The following C1orf167 variants were observed in gnomAD, a reference collection of about 807,000 sequenced individuals.
C1orf167 encodes chromosome 1 open reading frame 167.
In C1orf167, 153 loss-of-function variants were observed where a neutral mutation model predicts 176.5. The ratio of observed to expected loss-of-function variants is 0.87; its 90% confidence interval spans 0.76 to 0.99. C1orf167 has a LOEUF of 0.99. Among genes scored for constraint, C1orf167 ranks in the 50% least tolerant of loss-of-function variants. The probability of loss-of-function intolerance (pLI) is 0.00; values close to 1 mark genes in which losing one functional copy is unlikely to be tolerated. For missense variants in C1orf167, 1,490 were observed against 1,817.7 expected (o/e 0.82, Z 3.28); for synonymous variants, 594 against 752.7 (o/e 0.79, Z 3.45).
rs1274833691 is a variant in C1orf167, at chr1:11,768,314, G to T, written c.1542+39G>T. The T allele has an allele frequency of 7.8e-7, 1 of 1,283,912 alleles. No homozygotes were observed. The allele number at this position is 1,283,912 out of a possible 1,614,324, so 79.5% of individuals were successfully genotyped here. A position where few individuals can be genotyped will look rare whatever the true frequency, so the allele number is the denominator to read the frequency against. ...AGGTTGGGCCAGGGGGCCGTGTGAA[G>T]CAGTGGTGTGTCTGGGGAGGAGACT... On this transcript the variant is annotated intron_variant, in intron 5 of 20. Transcript: ENST00000688073. The surrounding 1 kb of genome is among the most constrained non-coding windows in gnomAD (Gnocchi z 4.5).
intron 14 of C1orf167, 114 bp downstream of exon 14, chr1:11,782,447 TG>T: frequency 9.7e-7 from 1 of 1,035,114 alleles, no homozygotes; most frequent in Non-Finnish European, 1.2e-6. Flanking sequence ...GCCTGTGGCC[TG>T]GGAAAAAAGG....
intron 8 of C1orf167, among the ~76,000 whole-genome samples, chr1:11,773,505 T>C (rs12076233): frequency 0.74 from 112,530 of 151,574 alleles, 42,451 homozygotes; most frequent in East Asian, 0.89. Flanking sequence ...GTCAGGAGTT[T>C]GAGACCAGCC....
At chr1:11,783,891 CTT>C (rs912092093) in intron 14 of C1orf167, among the ~76,000 whole-genome samples, 3 of 152,252 alleles carry the variant, frequency 2.0e-5, no homozygotes, top group South Asian at 2.1e-4. Flanking sequence ...GAGTTTCACT[CTT>C]GTCACCCAGG....
rs1016438462 is a variant in C1orf167, at chr1:11,789,582, C to G, written c.*136C>G. 15 of 804,572 alleles carry G rather than the reference C, an allele frequency of 1.9e-5. No homozygotes were observed. Among genetic ancestry groups the G allele is most frequent in the Non-Finnish European group, 2.6e-5 (15 of 575,546 alleles). The allele number at this position is 804,572 out of a possible 1,614,324, so 49.8% of individuals were successfully genotyped here. A position where few individuals can be genotyped will look rare whatever the true frequency, so the allele number is the denominator to read the frequency against. On this transcript the variant is annotated 3_prime_UTR_variant, in exon 21 of 21. Transcript: ENST00000688073. ...AGGACAATAAAACCCACTCCTCAGT[C>G]CTAGCTGCTGCTTTCAGTCTCTCCT...
intron 13 of C1orf167, among the ~76,000 whole-genome samples, chr1:11,780,447 A>AC (rs1467023353): frequency 1.3e-5 from 2 of 151,900 alleles, no homozygotes; most frequent in Non-Finnish European, 2.9e-5. Context: ...TGGTGATGAG[A>AC]CCCCCACAGG....
rs1457831701 is a variant in C1orf167, at chr1:11,787,483, C to G, written c.3663C>G (p.Ala1221=). ...GACGGAGGAAGCCAAGGGGAACGGC[C>G]TGGGCTCAGAGTAAGGAGACCTTGC... ...LGGRRKPRGT[A]WAQRCREHSL... The change falls in exon 17 of 21, where the codon GCC becomes GCG. Residue 1221 remains alanine, a synonymous_variant. Coordinates refer to ENST00000688073, the MANE Select transcript of C1orf167 (RefSeq NM_001010881.2). 5 of 1,302,448 alleles carry G rather than the reference C, an allele frequency of 3.8e-6. No homozygotes were observed. The highest frequency in any genetic ancestry group is 3.7e-5 in the South Asian group (3 of 80,888). The allele number at this position is 1,302,448 out of a possible 1,614,324, so 80.7% of individuals were successfully genotyped here.
intron 14 of C1orf167, among the ~76,000 whole-genome samples, chr1:11,782,843 C>G (rs953101676): frequency 6.7e-6 from 1 of 150,024 alleles, no homozygotes; most frequent in Non-Finnish European, 1.5e-5. Context: ...CACTTGAATC[C>G]GGGAGGCGGA....
Position 11,778,832 on chromosome 1 carries a change from G to C in C1orf167, c.2496+16G>C. ...TCTGGAGAAGGTGAGAGGTAGGAGGGTGGGGAGGGGCTGGGGCAGGTAGGG... is the reference window on the plus strand; with the variant it reads ...TCTGGAGAAGGTGAGAGGTAGGAGGCTGGGGAGGGGCTGGGGCAGGTAGGG... On this transcript the variant is annotated intron_variant, in intron 11 of 20. Coordinates refer to ENST00000688073, the MANE Select transcript of C1orf167 (RefSeq NM_001010881.2). 1 of 1,296,872 alleles carries C rather than the reference G, an allele frequency of 7.7e-7. No individual in the cohort carries two copies. Among genetic ancestry groups the C allele is most frequent in the Non-Finnish European group, 1.0e-6 (1 of 982,890 alleles). 80.3% of individuals were successfully genotyped at this position (1,296,872 alleles called of 1,614,324 possible). A position where few individuals can be genotyped will look rare whatever the true frequency, so the allele number is the denominator to read the frequency against.
chr1:11,774,194 C>T (rs1190362720), intron 8 of C1orf167, among the ~76,000 whole-genome samples: 1 of 152,040 alleles, frequency 6.6e-6, no homozygotes, highest in African/African-American at 2.4e-5. Flanking sequence ...TGTGAGCTAC[C>T]ATGCCTGGCG....
intron 13 of C1orf167, 27 bp from the exon 14 acceptor site, chr1:11,782,162 G>T (rs1643630822): frequency 8.0e-7 from 1 of 1,248,080 alleles, no homozygotes; most frequent in Admixed American, 2.7e-5. Context: ...AGCACCCAGT[G>T]GCTCTTCAGC....
chr1:11,787,181 C>G (rs1205480669), intron 16 of C1orf167: 2 of 213,976 alleles, frequency 9.3e-6, no homozygotes, highest in Non-Finnish European at 2.0e-5. Context: ...GAGAAATAGC[C>G]CCCTCCCAGG....
chr1:11,788,449 A>C lies in C1orf167; in HGVS notation c.4078+71A>C, dbSNP rs1052885355. ...CTCATACTTAACCCAAACCCCTCTC[A>C]AAAGTATGGCCCTTGGACCTACTGA... On this transcript the variant is annotated intron_variant, in intron 19 of 20. Coordinates refer to ENST00000688073, the MANE Select transcript of C1orf167 (RefSeq NM_001010881.2). 6 of 1,229,240 alleles carry C rather than the reference A, an allele frequency of 4.9e-6. No individual in the cohort carries two copies. In the African/African-American group the frequency reaches 9.3e-5, roughly 19 times the overall value. 76.1% of individuals were successfully genotyped at this position (1,229,240 alleles called of 1,614,324 possible). A position where few individuals can be genotyped will look rare whatever the true frequency, so the allele number is the denominator to read the frequency against.
chr1:11,763,527 G>C (rs1642631393), intron 1 of C1orf167, among the ~76,000 whole-genome samples: 1 of 151,854 alleles, frequency 6.6e-6, no homozygotes, highest in South Asian at 2.1e-4. Context: ...CAGACAGTCT[G>C]TAAACAAATG....
chr1:11,768,256 T>C lies in C1orf167; in HGVS notation c.1523T>C (p.Leu508Pro), dbSNP rs1255505497. Reference protein sequence around the residue: ...AAWGQYTKVLLVRSFREWRNL... With the variant: ...AAWGQYTKVLPVRSFREWRNL... ...TGGGGGCAGTACACAAAGGTTCTGC[T>C]GGTCCGGAGCTTCCGAGAGGTCAGC... The change falls in exon 5 of 21, where the codon CTG becomes CCG. Residue 508 changes from leucine to proline, a missense_variant. Coordinates refer to ENST00000688073, the MANE Select transcript of C1orf167 (RefSeq NM_001010881.2). The surrounding 1 kb of genome is among the most constrained non-coding windows in gnomAD (Gnocchi z 4.5). 1.6e-6 allele frequency: 2 copies of C among 1,289,814 alleles called. No individual in the cohort carries two copies. The highest frequency in any genetic ancestry group is 2.3e-5 in the Admixed American group (1 of 43,544). The allele number at this position is 1,289,814 out of a possible 1,614,324, so 79.9% of individuals were successfully genotyped here. A position where few individuals can be genotyped will look rare whatever the true frequency, so the allele number is the denominator to read the frequency against.
intron 17 of C1orf167, 52 bp downstream of exon 17, chr1:11,787,545 A>G (rs1643915214): frequency 8.4e-7 from 1 of 1,192,996 alleles, no homozygotes; most frequent in Admixed American, 2.6e-5. Flanking sequence ...GCAGGGGTGA[A>G]GCGGTCTCCA....
rs1174847771 is a variant in C1orf167, at chr1:11,771,097, G to A, written c.1698-427G>A. 6.8e-4 allele frequency among the ~76,000 whole-genome samples: 14 copies of A among 20,498 alleles called. No individual in the cohort carries two copies. In the Admixed American group the frequency reaches 7.8e-3, roughly 11 times the overall value. 13.4% of individuals were successfully genotyped at this position (20,498 alleles called of 152,430 possible). ...TTTTTTTTTTTTTTTTTTTTTTTTTGTAGTAGAGACGGAGTTTCACTATGT... is the reference window on the plus strand; with the variant it reads ...TTTTTTTTTTTTTTTTTTTTTTTTTATAGTAGAGACGGAGTTTCACTATGT... On this transcript the variant is annotated intron_variant, in intron 6 of 20. Coordinates refer to ENST00000688073, the MANE Select transcript of C1orf167 (RefSeq NM_001010881.2).
chr1:11,785,155 G>A lies in C1orf167; in HGVS notation c.3433G>A (p.Glu1145Lys), dbSNP rs1477501155. 1 of 1,290,744 alleles carries A rather than the reference G, an allele frequency of 7.7e-7. No homozygotes were observed. Among genetic ancestry groups the A allele is most frequent in the Non-Finnish European group, 1.0e-6 (1 of 988,406 alleles). The allele number at this position is 1,290,744 out of a possible 1,614,324, so 80.0% of individuals were successfully genotyped here. A position where few individuals can be genotyped will look rare whatever the true frequency, so the allele number is the denominator to read the frequency against. Residue 1145 changes from glutamate to lysine, a missense_variant, in exon 16 of 21, where the codon GAG (glutamate) becomes AAG (lysine). Physicochemically the swap from Glu to Lys is moderately conservative, Grantham distance 56 (BLOSUM62 1). Coordinates refer to ENST00000688073, the MANE Select transcript of C1orf167 (RefSeq NM_001010881.2). Reference sequence around the variant, plus strand: ...CTCCTTCCTCTCCCGCAGGGTCCTAGAGGCCTCGGTGCAGTCGGCGGTGCG... The same window carrying A: ...CTCCTTCCTCTCCCGCAGGGTCCTAAAGGCCTCGGTGCAGTCGGCGGTGCG... ...ASWKPRAWVL[E>K]ASVQSAVRGG...
At chr1:11,764,678 G>A (rs907576261) in intron 2 of C1orf167, among the ~76,000 whole-genome samples, 13 of 152,218 alleles carry the variant, frequency 8.5e-5, no homozygotes, top group African/African-American at 2.9e-4. Flanking sequence ...TCAGGAAGAG[G>A]CCTGGCTGGT....
At position 11,766,812 on chromosome 1, in the gene C1orf167, G is replaced by A; in HGVS notation, c.1026G>A (p.Glu342=). 3 of 1,289,524 alleles carry A rather than the reference G, an allele frequency of 2.3e-6. No homozygotes were observed. Among genetic ancestry groups the A allele is most frequent in the Non-Finnish European group, 3.0e-6 (3 of 988,704 alleles). 79.9% of individuals were successfully genotyped at this position (1,289,524 alleles called of 1,614,324 possible). The change falls in exon 3 of 21, where the codon GAG becomes GAA. Residue 342 remains glutamate, a synonymous_variant. Coordinates refer to ENST00000688073, the MANE Select transcript of C1orf167 (RefSeq NM_001010881.2). The surrounding 1 kb of genome is among the most constrained non-coding windows in gnomAD (Gnocchi z 4.5). ...GGACCAAGGATTCCCTTAATCCTGA[G>A]CAGGGGCTCCCTCCTGCCCACCCCC... ...GTRTKDSLNP[E]QGLPPAHPLG... is the part of the protein sequence containing the mutation.
Sources: gnomAD v4.1 joint callset for allele counts (sites outside exome capture counted in the v4.1 genomes callset) on GRCh38, gnomAD v4.1.1 for gene constraint, Gnocchi (gnomAD v3.1) non-coding constraint, MANE v1.5 for transcripts, NCBI Gene and HGNC (gene_info 2026-07-23, HGNC 2026-07-21) for gene names.